TENM3: variants seen among roughly 807,000 people sequenced by gnomAD.
The protein encoded by TENM3 is teneurin-3.
A neutral mutation model predicts 255.1 loss-of-function variants in TENM3; 63 were observed. That is an observed-to-expected ratio of 0.25 (90% confidence interval 0.20 to 0.30). TENM3 has a LOEUF of 0.30. Among genes scored for constraint, TENM3 ranks in the 10% least tolerant of loss-of-function variants. The pLI is 1.00. For synonymous variants in TENM3, 1,306 were observed against 1,322.3 expected, an observed-to-expected ratio of 0.99 and a Z score of 0.27; for missense variants, 2,929 against 3,461.1, an observed-to-expected ratio of 0.85 and a Z score of 3.86.
Position 182,501,374 on chromosome 4 carries a change from G to A in TENM3, c.512-99550G>A, listed in dbSNP as rs568831777. ...AATAGTTAAAGCTATGTCTAAAAGT[G>A]GGGGGGGGGGTTGGCAATTAATCTT... On this transcript the variant is annotated intron_variant, in intron 3 of 27. Coordinates refer to ENST00000511685, the MANE Select transcript of TENM3 (RefSeq NM_001080477.4). 5.9e-4 allele frequency among the ~76,000 whole-genome samples: 10 copies of A among 17,002 alleles called. 1 individual carries two copies. The highest frequency in any genetic ancestry group is 3.0e-3 in the Non-Finnish European group (8 of 2,646). The allele number at this position is 17,002 out of a possible 152,430, so 11.2% of individuals were successfully genotyped here. A position where few individuals can be genotyped will look rare whatever the true frequency, so the allele number is the denominator to read the frequency against.
chr4:182,640,490 G>A (rs1440163579), intron 5 of TENM3, among the ~76,000 whole-genome samples: 1 of 152,062 alleles, frequency 6.6e-6, no homozygotes, highest in Non-Finnish European at 1.5e-5. Flanking sequence ...TAACTATATT[G>A]TTTCAGTCAT....
intron 3 of TENM3, among the ~76,000 whole-genome samples, chr4:182,397,188 G>A (rs1440235683): frequency 6.6e-6 from 1 of 151,202 alleles, no homozygotes; most frequent in Non-Finnish European, 1.5e-5. Context: ...GTAAGAGAAG[G>A]AAAGTGTGAG....
chr4:182,009,808 G>A, the TENM3 span, among the ~76,000 whole-genome samples: 3 of 152,232 alleles, frequency 2.0e-5, no homozygotes, highest in African/African-American at 7.2e-5. Context: ...GCACATTCTG[G>A]GGTTGGGATG....
At chr4:181,827,901 G>C in the TENM3 span, among the ~76,000 whole-genome samples, 1 of 152,096 alleles carries the variant, frequency 6.6e-6, no homozygotes, top group Non-Finnish European at 1.5e-5. Flanking sequence ...CCAAGACAGG[G>C]CTTGTGACTG....
chr4:182,173,521 G>C (rs1214010238), intron 1 of TENM3, among the ~76,000 whole-genome samples: 3 of 152,204 alleles, frequency 2.0e-5, no homozygotes, highest in Admixed American at 2.0e-4. Context: ...AATGGGAGTG[G>C]AAGCCATGGT....
At position 182,773,655 on chromosome 4, in the gene TENM3, C is replaced by T. The variant is rs772866618; in HGVS notation, c.5068+8C>T. On this transcript the variant is annotated splice_region_variant and intron_variant, in intron 23 of 27. Coordinates refer to ENST00000511685, the MANE Select transcript of TENM3 (RefSeq NM_001080477.4). ...TCTACACCATGGTTCAAGGTAAACA[C>T]GAAAGCATCATTTTAAACAAGTACC... is the stretch of plus-strand genomic sequence containing the variant. 24 of 1,605,038 alleles carry T rather than the reference C, an allele frequency of 1.5e-5. No homozygotes were observed. The highest frequency in any genetic ancestry group is 2.7e-5 in the African/African-American group (2 of 74,744).
At chr4:182,436,915 G>A (rs897869353) in intron 3 of TENM3, among the ~76,000 whole-genome samples, 2 of 151,890 alleles carry the variant, frequency 1.3e-5, no homozygotes, top group African/African-American at 4.8e-5. Flanking sequence ...CTACTAGGGA[G>A]TACTAGGGAG....
the TENM3 span, among the ~76,000 whole-genome samples, chr4:182,068,181 C>A: frequency 6.6e-6 from 1 of 152,100 alleles, no homozygotes; most frequent in Non-Finnish European, 1.5e-5. Context: ...GTTTGTTCCA[C>A]CAAACCCTTT....
the TENM3 span, among the ~76,000 whole-genome samples, chr4:182,075,568 C>T: frequency 6.6e-6 from 1 of 152,138 alleles, no homozygotes; most frequent in Non-Finnish European, 1.5e-5. Flanking sequence ...CTAATTTGCT[C>T]TCAACTCTCC....
At chr4:182,049,565 C>T in the TENM3 span, among the ~76,000 whole-genome samples, 3 of 152,336 alleles carry the variant, frequency 2.0e-5, no homozygotes, top group African/African-American at 4.8e-5. Context: ...AAAGCACTGA[C>T]GCATAACGTC....
the TENM3 span, among the ~76,000 whole-genome samples, chr4:182,116,074 G>A: frequency 1.3e-5 from 2 of 151,924 alleles, no homozygotes; most frequent in Non-Finnish European, 2.9e-5. Flanking sequence ...GTTTACATTA[G>A]GATTCACTCT....
chr4:181,688,634 G>A, the TENM3 span, among the ~76,000 whole-genome samples: 2 of 152,136 alleles, frequency 1.3e-5, no homozygotes, highest in African/African-American at 2.4e-5. Context: ...GGTCCACTGA[G>A]TATCTGGCTT....
intron 3 of TENM3, among the ~76,000 whole-genome samples, chr4:182,464,862 A>T (rs2309747): frequency 0.56 from 84,686 of 151,882 alleles, 24,086 homozygotes; most frequent in East Asian, 0.77. Flanking sequence ...AAGACTAATA[A>T]AATTTTTTTG....
the TENM3 span, among the ~76,000 whole-genome samples, chr4:181,977,852 G>A: frequency 6.6e-6 from 1 of 152,188 alleles, no homozygotes; most frequent in African/African-American, 2.4e-5. Context: ...GCTGAAAGAA[G>A]TAATCAGAGA....
chr4:181,961,815 C>G, the TENM3 span, among the ~76,000 whole-genome samples: 2 of 152,262 alleles, frequency 1.3e-5, no homozygotes, highest in African/African-American at 4.8e-5. Context: ...CACATAGTTT[C>G]TTCAAAAGAG....
At chr4:182,233,744 A>G (rs138197026) in intron 1 of TENM3, among the ~76,000 whole-genome samples, 1 of 152,364 alleles carries the variant, frequency 6.6e-6, no homozygotes, top group African/African-American at 2.4e-5. Context: ...GTCCTAGGTG[A>G]CAAGATATTT....
At chr4:182,282,894 G>GAAAAAAAAAAAAAAAAAAAAAAAAAAA (rs35385277) in intron 1 of TENM3, among the ~76,000 whole-genome samples, 1 of 70,954 alleles carries the variant, frequency 1.4e-5, no homozygotes, top group Non-Finnish European at 2.8e-5. Context: ...CTCCATTTCA[G>GAAAAAAAAAAAAAAAAAAAAAAAAAAA]AAAAAAAAAA....
the TENM3 span, among the ~76,000 whole-genome samples, chr4:182,108,868 G>A: frequency 3.3e-5 from 5 of 151,952 alleles, no homozygotes; most frequent in Admixed American, 2.0e-4. Flanking sequence ...TTTTATATTA[G>A]CATGATGAAA....
At chr4:181,874,659 C>T in the TENM3 span, 1 of 152,328 alleles carries the variant, frequency 6.6e-6, no homozygotes, top group African/African-American at 2.4e-5. Flanking sequence ...TAAGCGTTAG[C>T]CAAGGACCCA....
Sources: allele counts gnomAD v4.1 joint callset (sites outside exome capture counted in the v4.1 genomes callset), GRCh38; gene constraint gnomAD v4.1.1; transcripts MANE v1.5; gene names NCBI Gene and HGNC (gene_info 2026-07-23, HGNC 2026-07-21).